The following LRRIQ1 variants were observed in gnomAD, a reference collection of about 807,000 sequenced individuals.
LRRIQ1 encodes leucine-rich repeat- and IQ domain-containing protein 1.
Under a neutral mutation model 211.9 loss-of-function variants are expected in LRRIQ1, and 210 were observed. The observed-to-expected ratio is 0.99, with a 90% CI of 0.89 to 1.11. The LOEUF (loss-of-function observed/expected upper bound fraction) is 1.11, where lower values mean the gene tolerates loss of function less well. Among genes scored for constraint, LRRIQ1 ranks in the 50% most tolerant of loss-of-function variants. LRRIQ1 has a pLI of 0.00. For missense variants in LRRIQ1, 2,136 were observed against 1,939.5 expected (o/e 1.10, Z -1.90); for synonymous variants, 699 against 650.1 (o/e 1.08, Z -1.14).
At chr12:85,199,542 C>G in intron 24 of LRRIQ1, among the ~76,000 whole-genome samples, 1 of 151,952 alleles carries the variant, frequency 6.6e-6, no homozygotes, top group East Asian at 1.9e-4. Context: ...GTGTATTAGT[C>G]TGTTCTCCCA....
chr12:85,265,204 A>G (rs1226863919), downstream of LRRIQ1, among the ~76,000 whole-genome samples: 2 of 152,100 alleles, frequency 1.3e-5, no homozygotes, highest in East Asian at 3.8e-4. Flanking sequence ...CTAGTGTGCT[A>G]TAATACAAGT....
chr12:85,039,810 T>C (rs1314702643), intron 2 of LRRIQ1, among the ~76,000 whole-genome samples: 1 of 151,676 alleles, frequency 6.6e-6, no homozygotes, highest in Admixed American at 6.6e-5. Context: ...TGTAGATATA[T>C]GTAACTTCAA....
intron 14 of LRRIQ1, among the ~76,000 whole-genome samples, chr12:85,105,742 C>T (rs769441904): frequency 3.5e-4 from 52 of 149,090 alleles, no homozygotes; most frequent in Non-Finnish European, 4.5e-4. Flanking sequence ...TTTTTCCTGC[C>T]GGGCTTAGTT....
intron 1 of LRRIQ1, among the ~76,000 whole-genome samples, chr12:85,258,992 A>G (rs1219951923): frequency 6.6e-6 from 1 of 151,982 alleles, no homozygotes; most frequent in East Asian, 1.9e-4. Flanking sequence ...TTAAAGAACC[A>G]AGGATTTAAC....
At chr12:85,129,836 T>C (rs1296594391) in intron 18 of LRRIQ1, among the ~76,000 whole-genome samples, 2 of 152,214 alleles carry the variant, frequency 1.3e-5, no homozygotes, top group Admixed American at 6.5e-5. Flanking sequence ...GTCACAATTA[T>C]ACTGTAAGAG....
rs779053258 is a variant in LRRIQ1, at chr12:85,038,182, CGAT to C, written c.14_16del (p.Asp5del). ...GTGCTTTATTATGAAGAATAATGGA[CGAT>C]GATGATGCAAAGCTCAAAGCAGAAA... is the stretch of plus-strand genomic sequence containing the variant. On this transcript the variant is annotated inframe_deletion, in exon 2 of 27. Transcript: ENST00000393217. The C allele has an allele frequency of 1.9e-6, 3 of 1,552,844 alleles. No individual in the cohort carries two copies. In the East Asian group the frequency reaches 7.3e-5, roughly 38 times the overall value.
intron 26 of LRRIQ1, among the ~76,000 whole-genome samples, chr12:85,238,493 T>C (rs1402107460): frequency 6.6e-6 from 1 of 152,094 alleles, no homozygotes; most frequent in East Asian, 1.9e-4. Context: ...AAAGTATACA[T>C]GATATACAGG....
At chr12:85,120,054 C>A (rs1377693080) in intron 15 of LRRIQ1, among the ~76,000 whole-genome samples, 1 of 151,858 alleles carries the variant, frequency 6.6e-6, no homozygotes, top group Non-Finnish European at 1.5e-5. Flanking sequence ...TTGATTTATA[C>A]CTTTGGTGAT....
intron 26 of LRRIQ1, among the ~76,000 whole-genome samples, chr12:85,239,629 GA>G (rs1445984228): frequency 1.3e-5 from 2 of 151,780 alleles, no homozygotes; most frequent in African/African-American, 4.8e-5. Flanking sequence ...CTCATCTTAT[GA>G]AAAATGAAAT....
rs530453605 is a variant in LRRIQ1, at chr12:85,069,894, G to T, written c.2695+2996G>T. Among the ~76,000 whole-genome samples the T allele has an allele frequency of 5.7e-4, 86 of 152,068 alleles. No homozygotes were observed. The South Asian group carries it at 7.7e-3, about 14-fold the overall frequency. ...TTTTCTCCCATTCTGTAGGTTGCCT[G>T]TTCACTCTGATGGTAGTTTCTTTTG... On this transcript the variant is annotated intron_variant, in intron 10 of 26. Coordinates refer to ENST00000393217, the MANE Select transcript of LRRIQ1 (RefSeq NM_001079910.2).
chr12:85,153,142 G>T lies in LRRIQ1; in HGVS notation c.4538G>T (p.Ser1513Ile). 1.3e-6 allele frequency: 2 copies of T among 1,583,084 alleles called. No individual in the cohort carries two copies. Among genetic ancestry groups the T allele is most frequent in the Non-Finnish European group, 1.7e-6 (2 of 1,165,618 alleles). Residue 1513 changes from serine (S) to isoleucine (I), a missense_variant, in exon 21 of 27, where the codon AGC becomes ATC. Transcript: ENST00000393217. ...TCTTCAGAACACACACAATTTAATA[G>T]CAGGTAAGCTAAACTATTGTTTTAG... ...LSSSEHTQFN[S>I]RSENKTSSWT... is the part of the protein sequence containing the mutation.
At chr12:85,226,848 G>A (rs1894684155) in intron 24 of LRRIQ1, among the ~76,000 whole-genome samples, 1 of 151,958 alleles carries the variant, frequency 6.6e-6, no homozygotes, top group Non-Finnish European at 1.5e-5. Flanking sequence ...TCCCTATAAA[G>A]GACATGAACT....
In LRRIQ1 at chr12:85,056,538, A is replaced by G; in HGVS notation, c.1745A>G (p.Lys582Arg). The change falls in exon 8 of 27, where the codon AAG becomes AGG. Residue 582 changes from lysine (K) to arginine (R), a missense_variant. By Grantham distance (26) the Lys-to-Arg change is conservative. Coordinates refer to ENST00000393217, the MANE Select transcript of LRRIQ1 (RefSeq NM_001079910.2). ...ATAATCAAAGATAATCAGCAGAAAA[A>G]GATACAAAAAGTAGAAAAAGAAGAG... is the stretch of plus-strand genomic sequence containing the variant. ...QKIIKDNQQK[K>R]IQKVEKEEIQ... 6.2e-7 allele frequency: 1 copy of G among 1,609,444 alleles called. No individual in the cohort carries two copies. The highest frequency in any genetic ancestry group is 8.5e-7 in the Non-Finnish European group (1 of 1,178,070).
intron 24 of LRRIQ1, among the ~76,000 whole-genome samples, chr12:85,211,382 G>A (rs950549418): frequency 6.6e-6 from 1 of 152,046 alleles, no homozygotes; most frequent in African/African-American, 2.4e-5. Context: ...TACCCATGTC[G>A]TAGTTTTAAG....
chr12:85,237,507 C>T (rs7315741), intron 26 of LRRIQ1, among the ~76,000 whole-genome samples: 1 of 151,830 alleles, frequency 6.6e-6, no homozygotes, highest in East Asian at 1.9e-4. Flanking sequence ...TCTGTATATA[C>T]TGCACTATGT....
Position 85,056,741 on chromosome 12 carries a change from G to A in LRRIQ1, c.1948G>A (p.Ala650Thr). ...KEIEENPKDNAWNSGIVIFNT... is the reference protein window; with the variant it reads ...KEIEENPKDNTWNSGIVIFNT... ...AATTGAGGAGAACCCAAAAGACAAT[G>A]CTTGGAATAGTGGCATTGTGATTTT... Residue 650 changes from alanine (A) to threonine (T), a missense_variant, in exon 8 of 27, where the codon GCT (alanine) becomes ACT (threonine). Physicochemically the swap from Ala to Thr is moderately conservative, Grantham distance 58 (BLOSUM62 0). Transcript: ENST00000393217. The A allele has an allele frequency of 1.2e-6, 2 of 1,605,654 alleles. No homozygotes were observed. Among genetic ancestry groups the A allele is most frequent in the South Asian group, 1.1e-5 (1 of 88,698 alleles).
intron 24 of LRRIQ1, among the ~76,000 whole-genome samples, chr12:85,223,758 G>T (rs1174331843): frequency 6.6e-6 from 1 of 151,634 alleles, no homozygotes; most frequent in Non-Finnish European, 1.5e-5. Context: ...AACAGAAAAA[G>T]AATTATAAAT....
chr12:85,232,691 T>C lies in LRRIQ1; in HGVS notation c.4956-5T>C. Reference sequence around the variant, plus strand: ...AAAATACTTTCTGTTTTTGTCACTATGCAGCAATCACTTTTTGCCTGAGTT... The same window carrying C: ...AAAATACTTTCTGTTTTTGTCACTACGCAGCAATCACTTTTTGCCTGAGTT... On this transcript the variant is annotated splice_region_variant and splice_polypyrimidine_tract_variant and intron_variant, in intron 25 of 26. Transcript: ENST00000393217. 6.2e-7 allele frequency: 1 copy of C among 1,609,882 alleles called. No homozygotes were observed. The highest frequency in any genetic ancestry group is 8.5e-7 in the Non-Finnish European group (1 of 1,176,800).
intron 11 of LRRIQ1, among the ~76,000 whole-genome samples, chr12:85,074,268 C>T (rs879657584): frequency 1.4e-4 from 21 of 151,722 alleles, no homozygotes; most frequent in Middle Eastern, 3.2e-3. Context: ...AAAAATATAA[C>T]GTGAAATATT....
Sources: allele counts gnomAD v4.1 joint callset (sites outside exome capture counted in the v4.1 genomes callset), GRCh38; gene constraint gnomAD v4.1.1; transcripts MANE v1.5; gene names NCBI Gene and HGNC (gene_info 2026-07-23, HGNC 2026-07-21).